The following ANKRD30A variants were observed in gnomAD, a reference collection of about 807,000 sequenced individuals.
The protein encoded by ANKRD30A is ankyrin repeat domain-containing protein 30A.
Under a neutral mutation model 166.3 loss-of-function variants are expected in ANKRD30A, and 170 were observed. That is an observed-to-expected ratio of 1.02 (90% confidence interval 0.90 to 1.16). The LOEUF (loss-of-function observed/expected upper bound fraction) is 1.16, where lower values mean the gene tolerates loss of function less well. Ranked by LOEUF, ANKRD30A falls within the 50% of genes most tolerant of loss-of-function variation. The pLI, the probability that ANKRD30A is intolerant of heterozygous loss-of-function variation, is 0.00. For synonymous variants in ANKRD30A, 564 were observed against 508.9 expected, an observed-to-expected ratio of 1.11 and a Z score of -1.46; for missense variants, 1,630 against 1,518.0, an observed-to-expected ratio of 1.07 and a Z score of -1.23.
At chr10:37,194,807 C>T (rs528784534) in intron 27 of ANKRD30A, among the ~76,000 whole-genome samples, 4 of 151,984 alleles carry the variant, frequency 2.6e-5, no homozygotes, top group African/African-American at 4.8e-5. Context: ...TTAATTAGAC[C>T]GTCTTTTCTA....
intron 18 of ANKRD30A, among the ~76,000 whole-genome samples, chr10:37,165,771 A>G (rs1009190552): frequency 6.6e-6 from 1 of 152,118 alleles, no homozygotes; most frequent in Non-Finnish European, 1.5e-5. Context: ...GAGTCCCCTT[A>G]TGGCAGTCAA....
intron 18 of ANKRD30A, among the ~76,000 whole-genome samples, chr10:37,166,080 T>C (rs1839309322): frequency 6.6e-6 from 1 of 152,136 alleles, no homozygotes; most frequent in Non-Finnish European, 1.5e-5. Context: ...TAAGCCCCTG[T>C]TTACCGAAAG....
intron 24 of ANKRD30A, among the ~76,000 whole-genome samples, chr10:37,179,649 CTG>C (rs1276191141): frequency 6.9e-6 from 1 of 145,870 alleles, no homozygotes; most frequent in African/African-American, 2.5e-5. Context: ...CTTATCCGAA[CTG>C]TGTGGCTTCT....
chr10:37,220,021 ATATATAT>A (rs1588950884), intron 34 of ANKRD30A, 124 bp downstream of exon 34: 7 of 139,584 alleles, frequency 5.0e-5, no homozygotes, highest in Non-Finnish European at 6.8e-5. Flanking sequence ...ATATATATAT[ATATATAT>A]AATATATGTA....
At position 37,153,445 on chromosome 10, in the gene ANKRD30A, A is replaced by C. The variant is rs17590350; in HGVS notation, c.1708-127A>C. The C allele has an allele frequency of 5.1e-6, 7 of 1,381,302 alleles. No homozygotes were observed. The African/African-American group carries it at 5.9e-5, about 12-fold the overall frequency. The allele number at this position is 1,381,302 out of a possible 1,614,324, so 85.6% of individuals were successfully genotyped here. Reference sequence around the variant, plus strand: ...GTGTTGGTTTTCTATATGTATCTGCACTTAAGTCGAATTGTTTGCAAAGGA... The same window carrying C: ...GTGTTGGTTTTCTATATGTATCTGCCCTTAAGTCGAATTGTTTGCAAAGGA... On this transcript the variant is annotated intron_variant, in intron 12 of 35. Transcript: ENST00000361713.
chr10:37,197,562 T>A, intron 29 of ANKRD30A, 82 bp downstream of exon 29: 1 of 1,593,362 alleles, frequency 6.3e-7, no homozygotes, highest in Non-Finnish European at 8.6e-7. Context: ...CAATGCTTTA[T>A]TTTTTTCAAC....
At chr10:37,163,218 T>TA (rs1839068042) in intron 17 of ANKRD30A, among the ~76,000 whole-genome samples, 2 of 125,302 alleles carry the variant, frequency 1.6e-5, no homozygotes, top group Admixed American at 1.7e-4. Flanking sequence ...TCCCATCTCT[T>TA]ACTGATATAA....
intron 25 of ANKRD30A, among the ~76,000 whole-genome samples, chr10:37,191,389 A>C (rs1350748446): frequency 6.6e-6 from 1 of 151,984 alleles, no homozygotes; most frequent in Non-Finnish European, 1.5e-5. Context: ...TCTCATCCGA[A>C]CTGTGTGGCT....
the ANKRD30A span, among the ~76,000 whole-genome samples, chr10:37,265,364 C>T: frequency 6.6e-6 from 1 of 152,264 alleles, no homozygotes; most frequent in East Asian, 1.9e-4. Context: ...AGAGACCCCA[C>T]CCTGGGGTTG....
At position 37,217,803 on chromosome 10, in the gene ANKRD30A, A is replaced by C. The variant is rs1295440874; in HGVS notation, c.3192A>C (p.Glu1064Asp). ...RIEEQHRKEL[E>D]VKQQLEQALR... ...AAGAGCAGCATAGGAAAGAGTTAGAAGTGAAACAACAACTTGAACAGGCTC... is the reference window on the plus strand; with the variant it reads ...AAGAGCAGCATAGGAAAGAGTTAGACGTGAAACAACAACTTGAACAGGCTC... The change falls in exon 33 of 36, where the codon GAA becomes GAC. Residue 1064 changes from glutamate to aspartate, a missense_variant. Coordinates refer to ENST00000361713, the MANE Select transcript of ANKRD30A (RefSeq NM_052997.3). 1 of 1,600,788 alleles carries C rather than the reference A, an allele frequency of 6.2e-7. No individual in the cohort carries two copies. The highest frequency in any genetic ancestry group is 8.5e-7 in the Non-Finnish European group (1 of 1,172,844).
At position 37,219,361 on chromosome 10, in the gene ANKRD30A, A is replaced by T; in HGVS notation, c.3649A>T (p.Lys1217Ter). The change falls in exon 34 of 36, where the codon AAA (lysine) becomes TAA (stop). Residue 1217 changes from lysine to a stop codon, truncating the protein, a stop_gained. Transcript: ENST00000361713. LOFTEE classifies it high-confidence loss of function. The stretch of plus-strand genomic sequence containing the variant: ...CCATGATCAAATTGTGACATCAAGA[A>T]AAAGTCAAGAACCTGCTTTCCACAT... Reference protein sequence around the residue: ...QDHDQIVTSRKSQEPAFHIAG... With the variant: ...QDHDQIVTSR 1 of 1,610,524 alleles carries T rather than the reference A, an allele frequency of 6.2e-7. No individual in the cohort carries two copies. Among genetic ancestry groups the T allele is most frequent in the Non-Finnish European group, 8.5e-7 (1 of 1,177,696 alleles).
chr10:37,219,319 G>T lies in ANKRD30A; in HGVS notation c.3607G>T (p.Ala1203Ser), dbSNP rs765960368. The T allele has an allele frequency of 6.2e-7, 1 of 1,610,216 alleles. No individual in the cohort carries two copies. Among genetic ancestry groups the T allele is most frequent in the Non-Finnish European group, 8.5e-7 (1 of 1,177,620 alleles). Reference protein sequence around the residue: ...AEIESHHPRLASAVQDHDQIV... With the variant: ...AEIESHHPRLSSAVQDHDQIV... The stretch of plus-strand genomic sequence containing the variant: ...AATTGAATCACACCATCCTAGACTG[G>T]CTTCTGCTGTACAAGACCATGATCA... Residue 1203 changes from alanine (A) to serine (S), a missense_variant, in exon 34 of 36, where the codon GCT becomes TCT. By Grantham distance (99) the Ala-to-Ser change is moderately conservative. Transcript: ENST00000361713.
At chr10:37,141,459 AC>A (rs1837101092) in intron 6 of ANKRD30A, among the ~76,000 whole-genome samples, 2 of 151,256 alleles carry the variant, frequency 1.3e-5, no homozygotes, top group Admixed American at 6.6e-5. Flanking sequence ...AATCCCAGCT[AC>A]TTGGGAGACT....
the ANKRD30A span, among the ~76,000 whole-genome samples, chr10:37,263,604 T>C: frequency 6.6e-6 from 1 of 152,122 alleles, no homozygotes; most frequent in Admixed American, 6.6e-5. Context: ...ATAGGGTTCG[T>C]GCTCCTATGA....
At chr10:37,218,026 G>C in intron 33 of ANKRD30A, 148 bp downstream of exon 33, 1 of 516,694 alleles carries the variant, frequency 1.9e-6, no homozygotes, top group Non-Finnish European at 3.2e-6. Context: ...TGTAGCTACA[G>C]TTATTTATTA....
intron 15 of ANKRD30A, among the ~76,000 whole-genome samples, chr10:37,161,877 G>A (rs1052286505): frequency 7.2e-5 from 11 of 152,146 alleles, no homozygotes; most frequent in Admixed American, 6.5e-4. Context: ...TGTAGGAACT[G>A]AGAAAATACT....
chr10:37,265,459 G>C, the ANKRD30A span, among the ~76,000 whole-genome samples: 1 of 152,118 alleles, frequency 6.6e-6, no homozygotes, highest in Non-Finnish European at 1.5e-5. Flanking sequence ...TTCTTCTCTG[G>C]GTGTATTTCT....
chr10:37,217,620 T>C (rs1842669076), intron 32 of ANKRD30A, 75 bp from the exon 33 acceptor site: 1 of 1,234,658 alleles, frequency 8.1e-7, no homozygotes, highest in Admixed American at 2.9e-5. Context: ...TAACCCAATA[T>C]AGGAAGAAAT....
At chr10:37,152,144 T>G (rs1148257) in intron 12 of ANKRD30A, 23 bp downstream of exon 12, 612,285 of 1,567,530 alleles carry the variant, frequency 0.39, 123,567 homozygotes, top group African/African-American at 0.43. Context: ...ATTGATTTTT[T>G]TTTAATATTA....
Sources: allele counts gnomAD v4.1 joint callset (sites outside exome capture counted in the v4.1 genomes callset), GRCh38; gene constraint gnomAD v4.1.1; transcripts MANE v1.5; gene names NCBI Gene and HGNC (gene_info 2026-07-23, HGNC 2026-07-21).